Variants in KIFAP3 observed in about 807,000 individuals in gnomAD.
KIFAP3 encodes kinesin-associated protein 3.
KIFAP3 carries 68 observed loss-of-function variants against 106.5 expected under a neutral mutation model. The ratio of observed to expected loss-of-function variants is 0.64; its 90% CI spans 0.53 to 0.78. The LOEUF (loss-of-function observed/expected upper bound fraction) is 0.78, where lower values mean the gene tolerates loss of function less well. Among genes scored for constraint, KIFAP3 ranks in the 30% least tolerant of loss-of-function variants. The probability of loss-of-function intolerance (pLI) is 0.00; values close to 1 mark genes in which losing one functional copy is unlikely to be tolerated. For missense variants in KIFAP3, 780 were observed against 941.8 expected (o/e 0.83, Z 2.25); for synonymous variants, 320 against 311.5 (o/e 1.03, Z -0.29).
At chr1:169,973,124 A>ATATATATATATATATATAT (rs1361338751) in intron 16 of KIFAP3, among the ~76,000 whole-genome samples, 5 of 48,734 alleles carry the variant, frequency 1.0e-4, no homozygotes, top group South Asian at 7.7e-4. Context: ...TATATATATA[A>ATATATATATATATATATAT]ACAACACAAA....
At chr1:170,036,183 A>G (rs1434914125) in intron 5 of KIFAP3, among the ~76,000 whole-genome samples, 1 of 152,158 alleles carries the variant, frequency 6.6e-6, no homozygotes, top group Non-Finnish European at 1.5e-5. Flanking sequence ...TGAAAATTAT[A>G]AAGTAATGAC....
At chr1:170,012,104 A>G (rs1216148224) in intron 10 of KIFAP3, among the ~76,000 whole-genome samples, 2 of 152,172 alleles carry the variant, frequency 1.3e-5, no homozygotes, top group Admixed American at 6.6e-5. Context: ...TACAATTCAA[A>G]TAAGTTCAGT....
At chr1:170,027,782 T>A (rs1669193099) in intron 8 of KIFAP3, among the ~76,000 whole-genome samples, 1 of 151,978 alleles carries the variant, frequency 6.6e-6, no homozygotes, top group Non-Finnish European at 1.5e-5. Context: ...GTGAAAATTA[T>A]AAACCCAGAG....
intron 17 of KIFAP3, among the ~76,000 whole-genome samples, chr1:169,966,114 T>C (rs1161835913): frequency 2.0e-5 from 3 of 151,914 alleles, no homozygotes; most frequent in Non-Finnish European, 4.4e-5. Context: ...ATTCTAACTT[T>C]TAAGCATTTC....
At chr1:169,948,924 GGGAAAAA>G (rs1322509563) in intron 19 of KIFAP3, among the ~76,000 whole-genome samples, 1 of 151,720 alleles carries the variant, frequency 6.6e-6, no homozygotes, top group African/African-American at 2.4e-5. Context: ...GCTTTCTCAA[GGGAAAAA>G]AACAGTAAAC....
chr1:169,945,161 G>A (rs1664369272), intron 19 of KIFAP3, among the ~76,000 whole-genome samples: 1 of 152,000 alleles, frequency 6.6e-6, no homozygotes, highest in Admixed American at 6.5e-5. Context: ...GGGGGCTGGT[G>A]TGTCAGTACC....
chr1:170,038,657 T>A (rs1263077368), intron 4 of KIFAP3, among the ~76,000 whole-genome samples: 1 of 152,220 alleles, frequency 6.6e-6, no homozygotes, highest in Non-Finnish European at 1.5e-5. Flanking sequence ...AAAAATTGTC[T>A]ATCAATATAA....
rs781695869 is a variant in KIFAP3 at position 169,961,238 on chromosome 1, A to G, written c.1984-3T>C. ...TTAGCCCATTCTTCATCATATTCCTATTGAAAACAAACAGTCAACTGTTAT... is the reference window on the plus strand; with the variant it reads ...TTAGCCCATTCTTCATCATATTCCTGTTGAAAACAAACAGTCAACTGTTAT... On this transcript the variant is annotated splice_polypyrimidine_tract_variant and splice_region_variant and intron_variant, in intron 17 of 19. Coordinates refer to ENST00000361580, the MANE Select transcript of KIFAP3 (RefSeq NM_014970.4). The G allele has an allele frequency of 6.2e-7, 1 of 1,607,152 alleles. No homozygotes were observed. Among genetic ancestry groups the G allele is most frequent in the Non-Finnish European group, 8.5e-7 (1 of 1,177,244 alleles).
intron 10 of KIFAP3, among the ~76,000 whole-genome samples, chr1:170,015,350 CAT>C (rs1668450428): frequency 1.3e-5 from 2 of 152,136 alleles, no homozygotes; most frequent in African/African-American, 2.4e-5. Flanking sequence ...TGAAAGGTCA[CAT>C]GATTTAAATT....
At chr1:170,080,795 C>T (rs971509144) in intron 1 of KIFAP3, among the ~76,000 whole-genome samples, 3 of 152,012 alleles carry the variant, frequency 2.0e-5, no homozygotes, top group Admixed American at 6.6e-5. Context: ...TAATTCTATG[C>T]CATTTTATCA....
chr1:170,056,167 C>T (rs997709081), intron 1 of KIFAP3, among the ~76,000 whole-genome samples: 4 of 151,100 alleles, frequency 2.6e-5, no homozygotes, highest in African/African-American at 9.7e-5. Context: ...CCAAAAGACA[C>T]GAAGAAATTG....
intron 8 of KIFAP3, 185 bp from the exon 9 acceptor site, chr1:170,024,781 T>G (rs1429602893): frequency 2.5e-6 from 1 of 399,100 alleles, no homozygotes; most frequent in Non-Finnish European, 4.4e-6. Context: ...GGATATGTGT[T>G]TGTGTGTGTG....
At chr1:169,973,009 T>C (rs893161788) in intron 16 of KIFAP3, among the ~76,000 whole-genome samples, 2 of 149,568 alleles carry the variant, frequency 1.3e-5, no homozygotes, top group African/African-American at 2.5e-5. Flanking sequence ...GAGAGATTCA[T>C]GGTCAAAAAG....
intron 11 of KIFAP3, among the ~76,000 whole-genome samples, chr1:169,985,994 G>A (rs1349872693): frequency 6.6e-6 from 1 of 151,828 alleles, no homozygotes; most frequent in East Asian, 1.9e-4. Context: ...TACATAAAGA[G>A]AGTTTTTTCT....
At chr1:169,941,904 T>A (rs149658442) in intron 19 of KIFAP3, among the ~76,000 whole-genome samples, 67 of 152,362 alleles carry the variant, frequency 4.4e-4, no homozygotes, top group African/African-American at 1.4e-3. Context: ...ACTATGAGGA[T>A]GCACATATTA....
intron 10 of KIFAP3, among the ~76,000 whole-genome samples, chr1:169,995,984 C>A (rs1667352663): frequency 2.0e-5 from 3 of 151,846 alleles, no homozygotes; most frequent in African/African-American, 7.3e-5. Context: ...ACAGAAAGTA[C>A]AGAGAAGAGT....
intron 1 of KIFAP3, among the ~76,000 whole-genome samples, chr1:170,062,435 T>C (rs977622041): frequency 6.6e-5 from 10 of 152,128 alleles, no homozygotes; most frequent in Non-Finnish European, 8.8e-5. Flanking sequence ...TTTGTTTTGA[T>C]ATTCACTCTA....
At chr1:169,962,176 GATCTT>G (rs1212968443) in intron 17 of KIFAP3, among the ~76,000 whole-genome samples, 15 of 152,264 alleles carry the variant, frequency 9.9e-5, no homozygotes, top group Middle Eastern at 6.8e-3. Flanking sequence ...ACAAATTAAT[GATCTT>G]ATCTTATTTA....
intron 5 of KIFAP3, among the ~76,000 whole-genome samples, chr1:170,038,018 C>A (rs906838270): frequency 6.6e-6 from 1 of 152,074 alleles, no homozygotes; most frequent in Non-Finnish European, 1.5e-5. Context: ...ATGCAAATGT[C>A]TAAAGTTTGA....
Sources: gnomAD v4.1 joint callset for allele counts (sites outside exome capture counted in the v4.1 genomes callset) on GRCh38, gnomAD v4.1.1 for gene constraint, MANE v1.5 for transcripts, NCBI Gene and HGNC (gene_info 2026-07-23, HGNC 2026-07-21) for gene names.